MCU: variants seen among roughly 807,000 people sequenced by gnomAD.
MCU encodes calcium uniporter protein, mitochondrial.
In MCU, 12 loss-of-function variants were observed where a neutral mutation model predicts 45.2. That is an observed-to-expected ratio of 0.27 (90% confidence interval 0.17 to 0.43). The LOEUF (loss-of-function observed/expected upper bound fraction) is 0.43. Among genes scored for constraint, MCU ranks in the 20% least tolerant of loss-of-function variants. MCU has a pLI of 1.00. For synonymous variants in MCU, 160 were observed against 165.1 expected (o/e 0.97, Z 0.24); for missense variants, 324 against 436.7 (o/e 0.74, Z 2.30).
At chr10:72,700,242 T>C (rs1842743478) in intron 1 of MCU, among the ~76,000 whole-genome samples, 1 of 151,840 alleles carries the variant, frequency 6.6e-6, no homozygotes, top group African/African-American at 2.4e-5. Context: ...TGTATTTTTA[T>C]TGGAGACAGG....
chr10:72,799,218 C>T (rs1844300154), intron 1 of MCU, among the ~76,000 whole-genome samples: 1 of 152,166 alleles, frequency 6.6e-6, no homozygotes, highest in South Asian at 2.1e-4. Flanking sequence ...GCCATCACGC[C>T]CGGCCTCAAC....
intron 1 of MCU, 66 bp downstream of exon 1, chr10:72,692,367 G>C: frequency 8.8e-7 from 1 of 1,138,262 alleles, no homozygotes; most frequent in Non-Finnish European, 1.1e-6. Context: ...AGCCGCCGGC[G>C]GGCAGGCCGC....
Position 72,860,540 on chromosome 10 carries a change from C to A in MCU, c.496+13C>A. 6.3e-7 allele frequency: 1 copy of A among 1,596,510 alleles called. No individual in the cohort carries two copies. Among genetic ancestry groups the A allele is most frequent in the Non-Finnish European group, 8.6e-7 (1 of 1,165,238 alleles). ...CCACCAAAAAGAGGTAAAATAGTAA[C>A]CTTGGTAAGGTCACAGAAATGTGGG... On this transcript the variant is annotated intron_variant, in intron 4 of 7. Coordinates refer to ENST00000373053, the MANE Select transcript of MCU (RefSeq NM_138357.3).
chr10:72,805,211 T>TTCCTTCC (rs1217225992), intron 1 of MCU, among the ~76,000 whole-genome samples: 48 of 146,932 alleles, frequency 3.3e-4, no homozygotes, highest in African/African-American at 1.2e-3. Flanking sequence ...CCTTTCTTCC[T>TTCCTTCC]TTCCTTTCCT....
At chr10:72,757,053 T>C (rs894426766) in intron 1 of MCU, 2 of 150,238 alleles carry the variant, frequency 1.3e-5, no homozygotes, top group Non-Finnish European at 3.0e-5. Context: ...CGAAAGTACA[T>C]AAGTGTATGA....
chr10:72,808,471 C>T (rs1452109253), intron 1 of MCU, among the ~76,000 whole-genome samples: 1 of 152,138 alleles, frequency 6.6e-6, no homozygotes, highest in Non-Finnish European at 1.5e-5. Context: ...TCATGGCATA[C>T]ATAGCCATTA....
At position 72,884,346 on chromosome 10, in the gene MCU, A is replaced by G; in HGVS notation, c.942A>G (p.Leu314=). Residue 314 remains leucine, a synonymous_variant, in exon 7 of 8, where the codon CTA becomes CTG. Transcript: ENST00000373053. ...HKGAKKSRFD[L]EKYNQLKDAI... is the part of the protein sequence containing the mutation. ...GAGCCAAAAAGTCACGTTTTGACCT[A>G]GAGAAATACAATCAACTCAAGGATG... 1 of 1,610,778 alleles carries G rather than the reference A, an allele frequency of 6.2e-7. No individual in the cohort carries two copies. The highest frequency in any genetic ancestry group is 8.5e-7 in the Non-Finnish European group (1 of 1,177,130).
intron 1 of MCU, among the ~76,000 whole-genome samples, chr10:72,723,499 A>G (rs1361859282): frequency 6.6e-6 from 1 of 152,196 alleles, no homozygotes; most frequent in East Asian, 1.9e-4. Context: ...TTCCTTTTAG[A>G]CATTTTTTAA....
chr10:72,866,056 T>A (rs566018287), intron 4 of MCU, among the ~76,000 whole-genome samples: 1 of 151,794 alleles, frequency 6.6e-6, no homozygotes. Context: ...GGATTACAGG[T>A]GTGAGCCACC....
chr10:72,742,042 A>G (rs976993695), intron 1 of MCU, among the ~76,000 whole-genome samples: 1 of 150,032 alleles, frequency 6.7e-6, no homozygotes, highest in African/African-American at 2.5e-5. Context: ...AAAAAAAAAA[A>G]AAACAAAAAC....
chr10:72,858,875 T>C (rs1845333846), intron 2 of MCU, among the ~76,000 whole-genome samples: 1 of 152,192 alleles, frequency 6.6e-6, no homozygotes, highest in South Asian at 2.1e-4. Flanking sequence ...CCAGGGCTTG[T>C]ATTCACCAAT....
chr10:72,767,481 T>G (rs2132731240), intron 1 of MCU, among the ~76,000 whole-genome samples: 1 of 152,262 alleles, frequency 6.6e-6, no homozygotes, highest in African/African-American at 2.4e-5. Flanking sequence ...TCAGCTCTTT[T>G]GTATTTAATT....
At position 72,776,519 on chromosome 10, in the gene MCU, C is replaced by G. The variant is rs78255545; in HGVS notation, c.151-57840C>G. ...AAATCATTTGATAAAATTCAGCACCCCTTTATGATAAAAGCCCTCATCAAA... is the reference window on the plus strand; with the variant it reads ...AAATCATTTGATAAAATTCAGCACCGCTTTATGATAAAAGCCCTCATCAAA... On this transcript the variant is annotated intron_variant, in intron 1 of 7. Coordinates refer to ENST00000373053, the MANE Select transcript of MCU (RefSeq NM_138357.3). Among the ~76,000 whole-genome samples, 498 of 152,190 alleles carry G rather than the reference C, an allele frequency of 3.3e-3. 1 individual carries two copies. The highest frequency in any genetic ancestry group is 0.011 in the African/African-American group (475 of 41,526).
intron 1 of MCU, among the ~76,000 whole-genome samples, chr10:72,747,440 T>C (rs1368989455): frequency 1.3e-5 from 2 of 152,234 alleles, no homozygotes; most frequent in African/African-American, 4.8e-5. Context: ...TAATAAGGAC[T>C]GTTCTTGTTA....
intron 2 of MCU, among the ~76,000 whole-genome samples, chr10:72,844,876 C>A (rs557987217): frequency 2.2e-4 from 34 of 151,950 alleles, no homozygotes; most frequent in Non-Finnish European, 3.7e-4. Context: ...CAGAGTTATA[C>A]CATGTTAATA....
In MCU at chr10:72,759,332, G is replaced by A. The variant is rs902209718; in HGVS notation, c.150+67031G>A. Among the ~76,000 whole-genome samples the A allele has an allele frequency of 1.1e-4, 16 of 152,224 alleles. No individual in the cohort carries two copies. In the South Asian group the frequency reaches 2.3e-3, roughly 22 times the overall value. Reference sequence around the variant, plus strand: ...CTGGTAATTAGATCGGAACAAAACAGGATAGGGATTTTCACAGTGCTTTTC... The same window carrying A: ...CTGGTAATTAGATCGGAACAAAACAAGATAGGGATTTTCACAGTGCTTTTC... On this transcript the variant is annotated intron_variant, in intron 1 of 7. Coordinates refer to ENST00000373053, the MANE Select transcript of MCU (RefSeq NM_138357.3).
chr10:72,765,722 A>G (rs948577639), intron 1 of MCU, among the ~76,000 whole-genome samples: 8 of 117,664 alleles, frequency 6.8e-5, no homozygotes, highest in Non-Finnish European at 1.2e-4. Flanking sequence ...TAAGCCCAAT[A>G]TGTTGATGCT....
chr10:72,701,277 T>C (rs749236765), intron 1 of MCU, among the ~76,000 whole-genome samples: 18 of 152,320 alleles, frequency 1.2e-4, no homozygotes, highest in Admixed American at 6.5e-5. Context: ...ATTTTTACTA[T>C]AACCCTATGA....
intron 6 of MCU, among the ~76,000 whole-genome samples, chr10:72,878,039 A>T (rs1845643024): frequency 6.6e-6 from 1 of 151,984 alleles, no homozygotes; most frequent in Admixed American, 6.6e-5. Context: ...TTCATGCAGA[A>T]GCAAACATAA....
Sources: allele counts gnomAD v4.1 joint callset (sites outside exome capture counted in the v4.1 genomes callset), GRCh38; gene constraint gnomAD v4.1.1; transcripts MANE v1.5; gene names NCBI Gene and HGNC (gene_info 2026-07-23, HGNC 2026-07-21).